ANKRD55: variants seen among roughly 807,000 people sequenced by gnomAD.
The protein encoded by ANKRD55 is ankyrin repeat domain 55.
A neutral mutation model predicts 60.6 loss-of-function variants in ANKRD55; 41 were observed. The ratio of observed to expected loss-of-function variants is 0.68; its 90% CI spans 0.53 to 0.88. ANKRD55 has a LOEUF of 0.88. Ranked by LOEUF, ANKRD55 falls within the 40% of genes least tolerant of loss-of-function variation. The pLI, the probability that ANKRD55 is intolerant of heterozygous loss-of-function variation, is 0.00. For missense variants in ANKRD55, 732 were observed against 767.6 expected (o/e 0.95, Z 0.55); for synonymous variants, 264 against 290.3 (o/e 0.91, Z 0.92).
chr5:56,208,709 C>T (rs1223442029), intron 2 of ANKRD55, among the ~76,000 whole-genome samples: 1 of 152,178 alleles, frequency 6.6e-6, no homozygotes, highest in Non-Finnish European at 1.5e-5. Context: ...AGGCGTGAGC[C>T]ACCGCGCCCA....
intron 8 of ANKRD55, among the ~76,000 whole-genome samples, chr5:56,120,623 G>A (rs535351076): frequency 4.7e-4 from 72 of 152,270 alleles, no homozygotes; most frequent in Non-Finnish European, 8.7e-4. Flanking sequence ...GGGACAGCTG[G>A]GCATGGTGGC....
chr5:56,107,357 C>T (rs1257183836), intron 10 of ANKRD55, among the ~76,000 whole-genome samples: 3 of 152,126 alleles, frequency 2.0e-5, no homozygotes, highest in Admixed American at 1.3e-4. Flanking sequence ...TCACCTTCCC[C>T]TTTCTGCTAT....
intron 5 of ANKRD55, among the ~76,000 whole-genome samples, chr5:56,164,918 G>A (rs540011231): frequency 6.6e-6 from 1 of 152,306 alleles, no homozygotes; most frequent in Admixed American, 6.5e-5. Context: ...TCCCCATTGA[G>A]CGGGTGTTTA....
chr5:56,176,102 C>T (rs1640809055), intron 4 of ANKRD55, 50 bp downstream of exon 4: 3 of 1,608,384 alleles, frequency 1.9e-6, no homozygotes, highest in South Asian at 1.1e-5. Context: ...CATAATGACA[C>T]CCTTCGCCTA....
At position 56,215,457 on chromosome 5, in the gene ANKRD55, C is replaced by T. The variant is rs1399846323; in HGVS notation, c.58+17399G>A. Among the ~76,000 whole-genome samples the T allele has an allele frequency of 4.6e-5, 7 of 152,316 alleles. No homozygotes were observed. The South Asian group carries it at 1.2e-3, about 27-fold the overall frequency. ...AGCTCATTCCAAAGGGAAGCCCAGC[C>T]CAGTGGAGCCACAGTGATGGCTGTT... On this transcript the variant is annotated intron_variant, in intron 2 of 11. Transcript: ENST00000341048.
chr5:56,223,655 G>C (rs893874993), intron 2 of ANKRD55, among the ~76,000 whole-genome samples: 4 of 152,148 alleles, frequency 2.6e-5, no homozygotes, highest in African/African-American at 9.6e-5. Flanking sequence ...GATCTACCAA[G>C]CAAATGGAAA....
In ANKRD55 at chr5:56,151,847, G is replaced by GTGTATATATA. The variant is rs1291652528; in HGVS notation, c.484-7928_484-7919dup. ...AAAATCTATATATATATATGTGTGT[G>GTGTATATATA]TGTATATATATGTATATATACGTGT... On this transcript the variant is annotated intron_variant, in intron 6 of 11. Transcript: ENST00000341048. 1.3e-4 allele frequency among the ~76,000 whole-genome samples: 19 copies of GTGTATATATA among 149,754 alleles called. No homozygotes were observed. In the East Asian group the frequency reaches 3.5e-3, roughly 28 times the overall value.
chr5:56,190,542 G>C (rs1759070245), intron 2 of ANKRD55, among the ~76,000 whole-genome samples: 2 of 152,074 alleles, frequency 1.3e-5, no homozygotes, highest in South Asian at 4.1e-4. Flanking sequence ...TTTTCCACAT[G>C]GCTATCCTGT....
chr5:56,106,420 C>CTTTTTTTTT (rs71602938), intron 10 of ANKRD55, among the ~76,000 whole-genome samples: 4 of 96,920 alleles, frequency 4.1e-5, no homozygotes, highest in African/African-American at 1.8e-4. Context: ...GCTAGGAAAG[C>CTTTTTTTTT]TTTTTTTTTT....
chr5:56,221,165 T>C (rs1425155347), intron 2 of ANKRD55, among the ~76,000 whole-genome samples: 1 of 152,142 alleles, frequency 6.6e-6, no homozygotes, highest in African/African-American at 2.4e-5. Flanking sequence ...CTTTCCCATC[T>C]CCTATGCTTG....
At chr5:56,205,953 AT>A (rs896756578) in intron 2 of ANKRD55, among the ~76,000 whole-genome samples, 5 of 138,544 alleles carry the variant, frequency 3.6e-5, no homozygotes, top group East Asian at 2.1e-4. Context: ...TCACTGATGC[AT>A]TTTTTTTTCT....
At chr5:56,211,253 C>A (rs1453928329) in intron 2 of ANKRD55, among the ~76,000 whole-genome samples, 1 of 152,190 alleles carries the variant, frequency 6.6e-6, no homozygotes, top group Non-Finnish European at 1.5e-5. Context: ...AGAGCACCCG[C>A]TGGTACTGCA....
intron 5 of ANKRD55, 57 bp downstream of exon 5, chr5:56,170,637 T>A: frequency 7.2e-7 from 1 of 1,382,056 alleles, no homozygotes; most frequent in South Asian, 1.2e-5. Flanking sequence ...TTAGATGACC[T>A]TCTCATACAA....
intron 5 of ANKRD55, among the ~76,000 whole-genome samples, chr5:56,170,461 A>AAACAGC (rs1369174009): frequency 1.3e-5 from 2 of 152,202 alleles, no homozygotes; most frequent in African/African-American, 4.8e-5. Context: ...TGATAATGAC[A>AAACAGC]AACAGCATGT....
intron 2 of ANKRD55, among the ~76,000 whole-genome samples, chr5:56,195,696 C>T (rs576356453): frequency 6.6e-5 from 10 of 152,218 alleles, no homozygotes; most frequent in South Asian, 2.1e-4. Flanking sequence ...TACCCATCTC[C>T]GCCTCCCAAA....
chr5:56,228,837 A>C (rs1760179225), intron 2 of ANKRD55, among the ~76,000 whole-genome samples: 1 of 152,182 alleles, frequency 6.6e-6, no homozygotes, highest in African/African-American at 2.4e-5. Context: ...CACAGAGACA[A>C]TCACACACTC....
chr5:56,212,835 A>C (rs983181290), intron 2 of ANKRD55, among the ~76,000 whole-genome samples: 2 of 152,248 alleles, frequency 1.3e-5, no homozygotes, highest in Non-Finnish European at 2.9e-5. Flanking sequence ...TCCATAGAAT[A>C]AGTAGAATTA....
intron 7 of ANKRD55, among the ~76,000 whole-genome samples, chr5:56,128,580 C>A (rs553995683): frequency 6.6e-6 from 1 of 152,308 alleles, no homozygotes; most frequent in East Asian, 1.9e-4. Flanking sequence ...TCACTTATAG[C>A]ACCATTGTTT....
intron 6 of ANKRD55, among the ~76,000 whole-genome samples, chr5:56,151,628 C>G (rs770048650): frequency 6.6e-6 from 1 of 151,928 alleles, no homozygotes; most frequent in African/African-American, 2.4e-5. Context: ...GCCTGGCTAA[C>G]CTGGTGAAAC....
Sources: allele counts gnomAD v4.1 joint callset (sites outside exome capture counted in the v4.1 genomes callset), GRCh38; gene constraint gnomAD v4.1.1; transcripts MANE v1.5; gene names NCBI Gene and HGNC (gene_info 2026-07-23, HGNC 2026-07-21).